Variants in HOXC5 observed in about 807,000 individuals in gnomAD.
HOXC5 encodes the protein homeobox protein Hox-C5.
In HOXC5, 19 loss-of-function variants were observed where a neutral mutation model predicts 20.1. The observed-to-expected ratio is 0.94, with a 90% confidence interval of 0.66 to 1.38. The LOEUF is 1.38. Among genes scored for constraint, HOXC5 ranks in the 40% most tolerant of loss-of-function variants. The pLI, the probability that HOXC5 is intolerant of heterozygous loss-of-function variation, is 0.00. For synonymous variants in HOXC5, 124 were observed against 117.0 expected (o/e 1.06, Z -0.39); for missense variants, 330 against 300.1 (o/e 1.10, Z -0.74).
chr12:54,029,048 C>G (rs899459501), upstream of HOXC5: 1 of 900,732 alleles, frequency 1.1e-6, no homozygotes, highest in Non-Finnish European at 1.6e-6. Context: ...GTCTCCTCAC[C>G]GAGACAGGGC....
the HOXC5 span, among the ~76,000 whole-genome samples, chr12:54,025,432 C>G: frequency 8.6e-5 from 13 of 151,834 alleles, no homozygotes; most frequent in South Asian, 1.0e-3. Flanking sequence ...TGCTCTCCCC[C>G]CTTGGAGCGA....
At position 54,033,585 on chromosome 12, in the gene HOXC5, T is replaced by C. The variant is rs994655859; in HGVS notation, c.454+9T>C. On this transcript the variant is annotated intron_variant, in intron 1 of 1. Coordinates refer to ENST00000312492, the MANE Select transcript of HOXC5 (RefSeq NM_018953.4). Reference sequence around the variant, plus strand: ...ACTGCACATGAGCCACGGTAAACTTTAGGACTTCATTTTGCGCTCTCGGGT... The same window carrying C: ...ACTGCACATGAGCCACGGTAAACTTCAGGACTTCATTTTGCGCTCTCGGGT... 1 of 1,548,390 alleles carries C rather than the reference T, an allele frequency of 6.5e-7. No homozygotes were observed. Among genetic ancestry groups the C allele is most frequent in the Non-Finnish European group, 8.7e-7 (1 of 1,149,208 alleles).
At chr12:54,029,819 T>A (rs1454092847), upstream of HOXC5, 1 of 1,613,882 alleles carries the variant, frequency 6.2e-7, no homozygotes, top group Non-Finnish European at 8.5e-7. Flanking sequence ...CAAAATCTGG[T>A]TCCAGAACCG....
At chr12:54,027,608 C>T in the HOXC5 span, among the ~76,000 whole-genome samples, 7 of 151,840 alleles carry the variant, frequency 4.6e-5, no homozygotes, top group African/African-American at 1.7e-4. Context: ...CACCTCCCTA[C>T]ATTTTACTTC....
chr12:54,022,511 GTCTCTC>G, the HOXC5 span: 1 of 151,138 alleles, frequency 6.6e-6, no homozygotes, highest in Non-Finnish European at 1.5e-5. Flanking sequence ...TCCCCTCCCA[GTCTCTC>G]TCTCTCTCTT....
chr12:54,029,650 T>A, upstream of HOXC5: 1 of 1,610,368 alleles, frequency 6.2e-7, no homozygotes, highest in South Asian at 1.1e-5. Context: ...TGCCCGGATC[T>A]TTAGGGGTCG....
rs1336499326 is a variant in HOXC5, at chr12:54,033,220, T to C, written c.98T>C (p.Val33Ala). 4 of 1,613,952 alleles carry C rather than the reference T, an allele frequency of 2.5e-6. No homozygotes were observed. The highest frequency in any genetic ancestry group is 1.7e-6 in the Non-Finnish European group (2 of 1,180,018). ...TCGNYGSASE[V>A]QASRYCYGGL... is the part of the protein sequence containing the mutation. Reference sequence around the variant, plus strand: ...GGGAACTATGGATCGGCCTCAGAGGTGCAGGCATCCAGGTACTGCTACGGC... The same window carrying C: ...GGGAACTATGGATCGGCCTCAGAGGCGCAGGCATCCAGGTACTGCTACGGC... Residue 33 changes from valine to alanine, a missense_variant, in exon 1 of 2, where the codon GTG becomes GCG. Val to Ala is a moderately conservative substitution (Grantham distance 64). Transcript: ENST00000312492.
chr12:54,029,823 A>G, upstream of HOXC5: 1 of 1,614,062 alleles, frequency 6.2e-7, no homozygotes, highest in Non-Finnish European at 8.5e-7. Context: ...ATCTGGTTCC[A>G]GAACCGCCGG....
At chr12:54,018,767 G>A in the HOXC5 span, among the ~76,000 whole-genome samples, 2 of 152,138 alleles carry the variant, frequency 1.3e-5, no homozygotes, top group African/African-American at 4.8e-5. Context: ...AGGCGTGGGG[G>A]AACATATTCC....
At chr12:54,028,322 G>A (rs538405644), upstream of HOXC5, 1 of 541,786 alleles carries the variant, frequency 1.8e-6, no homozygotes, top group Admixed American at 3.3e-5. Flanking sequence ...GTCTCAACTA[G>A]GGAATCAACA....
At chr12:54,032,888 C>T (rs1019749862), upstream of HOXC5, 8 of 365,694 alleles carry the variant, frequency 2.2e-5, no homozygotes, top group African/African-American at 6.3e-5. Context: ...ATGCTTTTCG[C>T]CGGCTTCCAT....
upstream of HOXC5, chr12:54,030,119 T>C (rs1940926416): frequency 4.4e-6 from 3 of 688,742 alleles, no homozygotes; most frequent in South Asian, 6.6e-5. Flanking sequence ...AAGTCAGCTC[T>C]GGACCCCCTC....
rs1296935688 is a variant in HOXC5 at position 54,033,298 on chromosome 12, A to G, written c.176A>G (p.His59Arg). Residue 59 changes from histidine to arginine, a missense_variant, in exon 1 of 2, where the codon CAC (histidine) becomes CGC (arginine). Coordinates refer to ENST00000312492, the MANE Select transcript of HOXC5 (RefSeq NM_018953.4). ...FPPPAPSNSL[H>R]GVDMAANPRA... Reference sequence around the variant, plus strand: ...CCGCCTGCGCCTTCCAACTCTCTCCACGGGGTAGACATGGCTGCCAACCCC... The same window carrying G: ...CCGCCTGCGCCTTCCAACTCTCTCCGCGGGGTAGACATGGCTGCCAACCCC... 3.7e-6 allele frequency: 6 copies of G among 1,613,944 alleles called. No individual in the cohort carries two copies. The highest frequency in any genetic ancestry group is 5.1e-6 in the Non-Finnish European group (6 of 1,179,982).
chr12:54,026,471 T>C, the HOXC5 span, among the ~76,000 whole-genome samples: 2 of 152,368 alleles, frequency 1.3e-5, no homozygotes, highest in Admixed American at 6.5e-5. Context: ...AAATTTTTTT[T>C]CTTAATTTAA....
At chr12:54,028,260 TA>T (rs1565740737), upstream of HOXC5, 467 of 165,642 alleles carry the variant, frequency 2.8e-3, 5 homozygotes, top group African/African-American at 0.011. Flanking sequence ...TATATATATA[TA>T]TATATATTTT....
At chr12:54,021,608 C>G in the HOXC5 span, 1 of 152,280 alleles carries the variant, frequency 6.6e-6, no homozygotes, top group African/African-American at 2.4e-5. Context: ...TCCCAAGACT[C>G]TTGTCCAGAC....
chr12:54,033,671 T>G, intron 1 of HOXC5, 95 bp downstream of exon 1: 3 of 1,130,166 alleles, frequency 2.7e-6, no homozygotes, highest in Non-Finnish European at 3.7e-6. Flanking sequence ...GGCCATAAAT[T>G]TTACGATCCA....
At position 54,035,209 on chromosome 12, in the gene HOXC5, C is replaced by T. The variant is rs1349168102; in HGVS notation, c.*717C>T. The T allele has an allele frequency of 1.3e-5, 2 of 153,338 alleles. No homozygotes were observed. The highest frequency in any genetic ancestry group is 1.3e-4 in the Admixed American group (2 of 15,358). 9.5% of individuals were successfully genotyped at this position (153,338 alleles called of 1,614,324 possible). ...GGGGTTTCCTGGCACTGGACCCCAG[C>T]AAGTGGTCCTAGAGGCCCTTTGCTG... On this transcript the variant is annotated 3_prime_UTR_variant, in exon 2 of 2. Transcript: ENST00000312492.
intron 1 of HOXC5, 66 bp from the exon 2 acceptor site, chr12:54,034,212 G>GT: frequency 1.4e-6 from 2 of 1,436,358 alleles, no homozygotes; most frequent in Non-Finnish European, 1.9e-6. Flanking sequence ...CTGGGCTGGG[G>GT]TGGGGACGGG....
Sources: allele counts gnomAD v4.1 joint callset (sites outside exome capture counted in the v4.1 genomes callset), GRCh38; gene constraint gnomAD v4.1.1; transcripts MANE v1.5; gene names NCBI Gene and HGNC (gene_info 2026-07-23, HGNC 2026-07-21).